The following ADAP1 variants were observed in gnomAD, a reference collection of about 807,000 sequenced individuals.
The protein encoded by ADAP1 is arf-GAP with dual PH domain-containing protein 1.
In ADAP1, 31 loss-of-function variants were observed where a neutral mutation model predicts 54.9. That is an observed-to-expected ratio of 0.56 (90% CI 0.42 to 0.76). The LOEUF is 0.76. ADAP1 is among the 30% of genes least tolerant of loss of function. The pLI, the probability that ADAP1 is intolerant of heterozygous loss-of-function variation, is 0.00. For synonymous variants in ADAP1, 313 were observed against 202.6 expected (o/e 1.55, Z -4.63); for missense variants, 535 against 512.4 (o/e 1.04, Z -0.42).
intron 4 of ADAP1, among the ~76,000 whole-genome samples, chr7:915,467 G>A (rs539127656): frequency 1.4e-4 from 22 of 152,340 alleles, no homozygotes; most frequent in Admixed American, 1.1e-3. Flanking sequence ...TTCACTCAGC[G>A]TGGGCTTCAG....
At chr7:905,259 T>G (rs1322479939) in intron 4 of ADAP1, 87 bp from the exon 5 acceptor site, 124 of 619,768 alleles carry the variant, frequency 2.0e-4, no homozygotes, top group South Asian at 5.5e-4. Flanking sequence ...AGAGGGGACA[T>G]GGGGAGAAGA....
intron 1 of ADAP1, among the ~76,000 whole-genome samples, chr7:951,803 G>A (rs1165469675): frequency 6.6e-6 from 1 of 152,208 alleles, no homozygotes. Flanking sequence ...ACTCAAAGAG[G>A]ACAATATGTG....
At chr7:947,547 C>A (rs973934523) in intron 1 of ADAP1, among the ~76,000 whole-genome samples, 1 of 151,956 alleles carries the variant, frequency 6.6e-6, no homozygotes, top group Non-Finnish European at 1.5e-5. Flanking sequence ...CCCATCTCAG[C>A]GAGTGAGGTG....
At chr7:918,142 G>A (rs1211311951) in intron 4 of ADAP1, among the ~76,000 whole-genome samples, 1 of 152,152 alleles carries the variant, frequency 6.6e-6, no homozygotes, top group Non-Finnish European at 1.5e-5. Flanking sequence ...TGGCCAGGCT[G>A]GCCTCAAACT....
chr7:900,537 G>T lies in ADAP1; in HGVS notation c.728C>A (p.Ala243Glu). The T allele has an allele frequency of 1.2e-6, 2 of 1,605,032 alleles. No individual in the cohort carries two copies. Among genetic ancestry groups the T allele is most frequent in the Non-Finnish European group, 1.7e-6 (2 of 1,177,260 alleles). ...LQVAFPGAGD[A>E]DLVPKLSRNY... ...GACCGCAGGGCCGCCACTCACATCTGCGTCGCCGGCCCCTGGGAATGCCAC... is the reference window on the plus strand; with the variant it reads ...GACCGCAGGGCCGCCACTCACATCTTCGTCGCCGGCCCCTGGGAATGCCAC... The change falls in exon 7 of 11, where the codon GCA (alanine) becomes GAA (glutamate). Residue 243 changes from alanine to glutamate, a missense_variant. Ala to Glu is a moderately radical substitution (Grantham distance 107, BLOSUM62 -1). Transcript: ENST00000265846.
intron 4 of ADAP1, among the ~76,000 whole-genome samples, chr7:918,130 G>C (rs1026447317): frequency 1.3e-5 from 2 of 152,180 alleles, no homozygotes; most frequent in Non-Finnish European, 2.9e-5. Context: ...GTTTCACCAT[G>C]TTGGCCAGGC....
At chr7:917,513 G>A (rs186253169) in intron 4 of ADAP1, among the ~76,000 whole-genome samples, 15 of 152,320 alleles carry the variant, frequency 9.8e-5, no homozygotes, top group East Asian at 9.7e-4. Flanking sequence ...CGCCCAGGCT[G>A]GAGTGCAGAG....
At chr7:921,649 C>A (rs948451366) in intron 3 of ADAP1, among the ~76,000 whole-genome samples, 4 of 152,184 alleles carry the variant, frequency 2.6e-5, no homozygotes, top group African/African-American at 9.7e-5. Context: ...ACAGGGGCGG[C>A]GGGTTAGGAC....
In ADAP1 at chr7:900,889, G is replaced by GGGCCT. The variant is rs1562906204; in HGVS notation, c.649-274_649-273insAGGCC. 7 of 583,912 alleles carry GGGCCT rather than the reference G, an allele frequency of 1.2e-5. No homozygotes were observed. In the African/African-American group the frequency reaches 1.5e-4, roughly 13 times the overall value. The allele number at this position is 583,912 out of a possible 1,614,324, so 36.2% of individuals were successfully genotyped here. On this transcript the variant is annotated intron_variant, in intron 6 of 10. Transcript: ENST00000265846. ...AGAAGGGCCGAAGGGCCGAAGGGCC[G>GGGCCT]GGCCGGGCCGGGCTGGACAGGGTCG...
chr7:900,245 C>G (rs1182023596), intron 7 of ADAP1, 81 bp from the exon 8 acceptor site: 7 of 1,548,836 alleles, frequency 4.5e-6, no homozygotes, highest in Non-Finnish European at 6.2e-6. Context: ...CCTCTGTGCT[C>G]CCCTCACCCC....
rs1583169900 is a variant in ADAP1, at chr7:926,710, G to A, written c.214-66C>T. On this transcript the variant is annotated intron_variant, in intron 2 of 10. Transcript: ENST00000265846. The surrounding 1 kb of genome is among the most constrained non-coding windows in gnomAD (Gnocchi z 4.6). ...AGGGGCAGCCTAGGAGGTGCCAGCT[G>A]CCCTTGGGGCCGTCACCACAGTGAC... The A allele has an allele frequency of 7.6e-7, 1 of 1,316,452 alleles. No individual in the cohort carries two copies. Among genetic ancestry groups the A allele is most frequent in the Non-Finnish European group, 1.0e-6 (1 of 975,996 alleles). The allele number at this position is 1,316,452 out of a possible 1,614,324, so 81.5% of individuals were successfully genotyped here. A position where few individuals can be genotyped will look rare whatever the true frequency, so the allele number is the denominator to read the frequency against.
At chr7:921,344 C>T (rs1180912972) in intron 3 of ADAP1, among the ~76,000 whole-genome samples, 2 of 152,336 alleles carry the variant, frequency 1.3e-5, no homozygotes, top group Admixed American at 6.5e-5. Context: ...CTTTTAGAGA[C>T]AGGGTCTCAC....
At chr7:951,206 C>G (rs1238499731) in intron 1 of ADAP1, among the ~76,000 whole-genome samples, 1 of 152,028 alleles carries the variant, frequency 6.6e-6, no homozygotes, top group African/African-American at 2.4e-5. Flanking sequence ...AACCCCATCT[C>G]TACTAAAAAT....
At chr7:937,664 G>GGGATTTGGGGGTCACGCCCGA (rs2128109455) in intron 1 of ADAP1, among the ~76,000 whole-genome samples, 1 of 62,048 alleles carries the variant, frequency 1.6e-5, no homozygotes, top group East Asian at 9.2e-4. Context: ...GTCATGCCCG[G>GGGATTTGGGGGTCACGCCCGA]CCTCTGGGAT....
At position 920,488 on chromosome 7, in the gene ADAP1, C is replaced by T. The variant is rs1230176977; in HGVS notation, c.306-438G>A. 1.3e-5 allele frequency among the ~76,000 whole-genome samples: 2 copies of T among 151,650 alleles called. No individual in the cohort carries two copies. Among genetic ancestry groups the T allele is most frequent in the Non-Finnish European group, 2.9e-5 (2 of 67,856 alleles). Reference sequence around the variant, plus strand: ...GATCTGGGAAGTGGCCGCGGCGCCGCCCTCCACCCACCGTGCTGCCACCTT... The same window carrying T: ...GATCTGGGAAGTGGCCGCGGCGCCGTCCTCCACCCACCGTGCTGCCACCTT... On this transcript the variant is annotated intron_variant, in intron 3 of 10. Coordinates refer to ENST00000265846, the MANE Select transcript of ADAP1 (RefSeq NM_006869.4). This position sits in a 1 kb window ranked among gnomAD's most constrained non-coding sequence, Gnocchi z 4.5.
chr7:942,833 G>A (rs1214300562), intron 1 of ADAP1, among the ~76,000 whole-genome samples: 1 of 7,110 alleles, frequency 1.4e-4, no homozygotes. Flanking sequence ...GAGGAGGAAG[G>A]GAGAGAGGAG....
At chr7:916,073 A>C (rs956282375) in intron 4 of ADAP1, among the ~76,000 whole-genome samples, 7 of 152,182 alleles carry the variant, frequency 4.6e-5, no homozygotes, top group Non-Finnish European at 8.8e-5. Flanking sequence ...CGGGCACGCC[A>C]CCTAGGGCGC....
At chr7:905,700 A>AG (rs1562912650) in intron 4 of ADAP1, 3 of 138,698 alleles carry the variant, frequency 2.2e-5, no homozygotes, top group Non-Finnish European at 3.0e-5. Context: ...GAAAGGAGAA[A>AG]GGAGAAAGGA....
At chr7:907,794 G>A (rs1458032766) in intron 4 of ADAP1, among the ~76,000 whole-genome samples, 3 of 152,184 alleles carry the variant, frequency 2.0e-5, no homozygotes, top group Non-Finnish European at 1.5e-5. Context: ...GCAGCTGCGT[G>A]GCCAGGGTCG....
Sources: allele counts gnomAD v4.1 joint callset (sites outside exome capture counted in the v4.1 genomes callset), GRCh38; gene constraint gnomAD v4.1.1; non-coding constraint Gnocchi (gnomAD v3.1); transcripts MANE v1.5; gene names NCBI Gene and HGNC (gene_info 2026-07-23, HGNC 2026-07-21).